The following AHSA1 variants were observed in gnomAD, a reference collection of about 807,000 sequenced individuals.
The protein encoded by AHSA1 is activator of 90 kDa heat shock protein ATPase homolog 1.
In AHSA1, 14 loss-of-function variants were observed where a neutral mutation model predicts 46.1. The ratio of observed to expected loss-of-function variants is 0.30; its 90% confidence interval spans 0.20 to 0.47. The LOEUF (loss-of-function observed/expected upper bound fraction) is 0.47. Ranked by LOEUF, AHSA1 falls within the 20% of genes least tolerant of loss-of-function variation. The pLI, the probability that AHSA1 is intolerant of heterozygous loss-of-function variation, is 0.99. For missense variants in AHSA1, 333 were observed against 415.9 expected, an observed-to-expected ratio of 0.80 and a Z score of 1.73; for synonymous variants, 147 against 145.8, an observed-to-expected ratio of 1.01 and a Z score of -0.06.
At chr14:77,461,767 G>A (rs778135934) in intron 2 of AHSA1, among the ~76,000 whole-genome samples, 1 of 152,206 alleles carries the variant, frequency 6.6e-6, no homozygotes, top group Non-Finnish European at 1.5e-5. Context: ...CATGGATGGA[G>A]TCACATATAA....
At chr14:77,460,601 C>G (rs1487638247) in intron 2 of AHSA1, among the ~76,000 whole-genome samples, 3 of 149,382 alleles carry the variant, frequency 2.0e-5, no homozygotes, top group Admixed American at 2.0e-4. Context: ...GAGTTTTGCT[C>G]GTCACCCAGG....
At chr14:77,462,039 A>G in intron 2 of AHSA1, 121 bp from the exon 3 acceptor site, 1 of 662,612 alleles carries the variant, frequency 1.5e-6, no homozygotes, top group South Asian at 2.0e-5. Flanking sequence ...TGGCATTCTC[A>G]GAATAAAGAG....
intron 1 of AHSA1, among the ~76,000 whole-genome samples, chr14:77,458,960 T>C (rs769263277): frequency 2.6e-5 from 4 of 152,250 alleles, no homozygotes; most frequent in Non-Finnish European, 5.9e-5. Flanking sequence ...ACCGTTACTT[T>C]GTTGCAGCCT....
chr14:77,464,986 T>C (rs943471328), intron 5 of AHSA1, among the ~76,000 whole-genome samples: 6 of 152,236 alleles, frequency 3.9e-5, no homozygotes, highest in South Asian at 4.1e-4. Context: ...ACTTCACCTA[T>C]ATAAGTCTTC....
At position 77,458,106 on chromosome 14, in the gene AHSA1, C is replaced by T; in HGVS notation, c.-84C>T. 4.7e-6 allele frequency: 6 copies of T among 1,264,952 alleles called. No homozygotes were observed. Among genetic ancestry groups the T allele is most frequent in the Non-Finnish European group, 6.3e-6 (6 of 952,584 alleles). 78.4% of individuals were successfully genotyped at this position (1,264,952 alleles called of 1,614,324 possible). Reference sequence around the variant, plus strand: ...GCGGCCGCTTCTAGTAGTTTCCAGGCGCTGCCGGGCGGCTGGCACTAAGCG... The same window carrying T: ...GCGGCCGCTTCTAGTAGTTTCCAGGTGCTGCCGGGCGGCTGGCACTAAGCG... On this transcript the variant is annotated 5_prime_UTR_variant, in exon 1 of 9. Coordinates refer to ENST00000216479, the MANE Select transcript of AHSA1 (RefSeq NM_012111.3).
intron 6 of AHSA1, among the ~76,000 whole-genome samples, 160 bp downstream of exon 6, chr14:77,465,827 C>T (rs2079045822): frequency 6.9e-6 from 1 of 145,956 alleles, no homozygotes; most frequent in African/African-American, 2.5e-5. Flanking sequence ...CCTCTATTCT[C>T]TTTTTTTTTT....
At chr14:77,468,846 T>C (rs2079060998) in intron 8 of AHSA1, 1 of 629,554 alleles carries the variant, frequency 1.6e-6, no homozygotes, top group African/African-American at 1.8e-5. Flanking sequence ...CCTCCCAAAG[T>C]GCTGGGATTA....
In AHSA1 at chr14:77,463,599, AC is replaced by A. The variant is rs67789216; in HGVS notation, c.472+841del. Among the ~76,000 whole-genome samples, 375 of 53,706 alleles carry A rather than the reference AC, an allele frequency of 7.0e-3. 7 individuals are homozygous for A. The highest frequency in any genetic ancestry group is 0.012 in the African/African-American group (340 of 28,248). 35.2% of individuals were successfully genotyped at this position (53,706 alleles called of 152,430 possible). A position where few individuals can be genotyped will look rare whatever the true frequency, so the allele number is the denominator to read the frequency against. On this transcript the variant is annotated intron_variant, in intron 4 of 8. Transcript: ENST00000216479. ...AGACTCCATCTCAAAAAAAAAAAAA[AC>A]AAAAAAAAAACTGTATTTGAGGCTC...
At chr14:77,460,177 G>T in intron 2 of AHSA1, 1 of 296,846 alleles carries the variant, frequency 3.4e-6, no homozygotes, top group East Asian at 8.6e-5. Context: ...ACTGTCTTCA[G>T]TGTGAATCTT....
intron 2 of AHSA1, among the ~76,000 whole-genome samples, chr14:77,461,007 A>C (rs937267951): frequency 6.6e-6 from 1 of 151,756 alleles, no homozygotes; most frequent in African/African-American, 2.4e-5. Flanking sequence ...AAAATACAAA[A>C]AATTAGCCCG....
Position 77,458,171 on chromosome 14 carries a change from C to A in AHSA1, c.-19C>A. On this transcript the variant is annotated 5_prime_UTR_variant, in exon 1 of 9. Coordinates refer to ENST00000216479, the MANE Select transcript of AHSA1 (RefSeq NM_012111.3). ...GCTACGGCTGCTCCGGAGCTGGTGG[C>A]GCCGCGATAGGAGAGCCGATGGCCA... 1.3e-6 allele frequency: 2 copies of A among 1,513,158 alleles called. No individual in the cohort carries two copies. Among genetic ancestry groups the A allele is most frequent in the South Asian group, 2.5e-5 (2 of 80,550 alleles). 93.7% of individuals were successfully genotyped at this position (1,513,158 alleles called of 1,614,324 possible). A position where few individuals can be genotyped will look rare whatever the true frequency, so the allele number is the denominator to read the frequency against.
intron 1 of AHSA1, 78 bp downstream of exon 1, chr14:77,458,347 C>G (rs918017449): frequency 8.9e-6 from 13 of 1,453,722 alleles, no homozygotes; most frequent in African/African-American, 7.2e-5. Flanking sequence ...AACCTCGGCC[C>G]GGACAGAGCT....
At position 77,467,984 on chromosome 14, in the gene AHSA1, T is replaced by C. The variant is rs954727910; in HGVS notation, c.691-99T>C. On this transcript the variant is annotated intron_variant, in intron 6 of 8. Coordinates refer to ENST00000216479, the MANE Select transcript of AHSA1 (RefSeq NM_012111.3). ...TGGGGCAGACTGGTGGAAATGAGAG[T>C]TGAGGCATGCAGCCTTCAGCTGGCA... 7.4e-6 allele frequency: 6 copies of C among 808,402 alleles called. No homozygotes were observed. The East Asian group carries it at 1.6e-4, about 22-fold the overall frequency. 50.1% of individuals were successfully genotyped at this position (808,402 alleles called of 1,614,324 possible).
At chr14:77,466,547 C>T (rs1020142264) in intron 6 of AHSA1, 2 of 152,230 alleles carry the variant, frequency 1.3e-5, no homozygotes, top group African/African-American at 4.8e-5. Flanking sequence ...AATGTAAATA[C>T]AGCCATAAAT....
rs142178502 is a variant in AHSA1 at position 77,465,482 on chromosome 14, G to A, written c.562-57G>A. Reference sequence around the variant, plus strand: ...ATGGTACAACTGTCTCTGAAGCCACGTTGATTGAGGTTGTATCATTACTCT... The same window carrying A: ...ATGGTACAACTGTCTCTGAAGCCACATTGATTGAGGTTGTATCATTACTCT... On this transcript the variant is annotated intron_variant, in intron 5 of 8. Coordinates refer to ENST00000216479, the MANE Select transcript of AHSA1 (RefSeq NM_012111.3). 1.0e-3 allele frequency: 1,600 copies of A among 1,579,990 alleles called. 12 individuals are homozygous for A. In the African/African-American group the frequency reaches 0.02, roughly 20 times the overall value.
At position 77,458,267 on chromosome 14, in the gene AHSA1, C is replaced by T. The variant is rs2078996207; in HGVS notation, c.78C>T (p.His26=). ...ACGCCACCAACGTCAACAACTGGCA[C>T]TGGTGAGGGCCAGAAAAGCAGGCCG... The part of the protein sequence containing the change: ...RADATNVNNW[H]WTERDASNWS... The change falls in exon 1 of 9, where the codon CAC becomes CAT. Residue 26 remains histidine (H), a splice_region_variant and synonymous_variant. Transcript: ENST00000216479. The T allele has an allele frequency of 1.3e-6, 2 of 1,547,146 alleles. No homozygotes were observed.
intron 2 of AHSA1, 79 bp from the exon 3 acceptor site, chr14:77,462,081 T>G: frequency 8.8e-6 from 9 of 1,019,844 alleles, no homozygotes; most frequent in South Asian, 1.4e-5. Context: ...GCAGCAGAAG[T>G]GAGGTAGCAG....
chr14:77,460,209 A>G (rs78323395), intron 2 of AHSA1: 10 of 219,800 alleles, frequency 4.5e-5, no homozygotes, highest in Middle Eastern at 1.8e-3. Flanking sequence ...CCACTGCGCT[A>G]ATGAAGCTTG....
chr14:77,458,079 T>C, upstream of AHSA1: 1 of 940,182 alleles, frequency 1.1e-6, no homozygotes, highest in Non-Finnish European at 1.5e-6. Flanking sequence ...CAGGAGGTGC[T>C]TGCGGCCGCT....
Sources: gnomAD v4.1 joint callset for allele counts (sites outside exome capture counted in the v4.1 genomes callset) on GRCh38, gnomAD v4.1.1 for gene constraint, MANE v1.5 for transcripts, NCBI Gene and HGNC (gene_info 2026-07-23, HGNC 2026-07-21) for gene names.